NEDD4L: variants seen among roughly 807,000 people sequenced by gnomAD.
NEDD4L encodes NEDD4 like E3 ubiquitin protein ligase, also known as E3 ubiquitin-protein ligase NEDD4-like.
In NEDD4L, 54 loss-of-function variants were observed where a neutral mutation model predicts 148.9. The observed-to-expected ratio is 0.36, with a 90% CI of 0.29 to 0.45. NEDD4L has a LOEUF of 0.45. Among genes scored for constraint, NEDD4L ranks in the 20% least tolerant of loss-of-function variants. NEDD4L has a pLI of 1.00. For synonymous variants in NEDD4L, 433 were observed against 440.7 expected (o/e 0.98, Z 0.22); for missense variants, 856 against 1,233.8 (o/e 0.69, Z 4.59).
intron 1 of NEDD4L, among the ~76,000 whole-genome samples, chr18:58,140,093 G>C (rs567334933): frequency 6.6e-6 from 1 of 152,254 alleles, no homozygotes; most frequent in South Asian, 2.1e-4. Context: ...TTGTGGCCTG[G>C]ACTAGATTTG....
intron 1 of NEDD4L, among the ~76,000 whole-genome samples, chr18:58,058,914 A>G (rs1055224345): frequency 6.6e-6 from 1 of 152,190 alleles, no homozygotes; most frequent in African/African-American, 2.4e-5. Context: ...CCACATCCCA[A>G]TGATTTATCT....
At chr18:58,198,449 T>C (rs951947972) in intron 2 of NEDD4L, among the ~76,000 whole-genome samples, 8 of 152,098 alleles carry the variant, frequency 5.3e-5, no homozygotes, top group Non-Finnish European at 8.8e-5. Flanking sequence ...CTGGCCCGAA[T>C]TTTGTTTTAG....
At chr18:58,145,577 G>A (rs2034012169) in intron 1 of NEDD4L, among the ~76,000 whole-genome samples, 1 of 151,878 alleles carries the variant, frequency 6.6e-6, no homozygotes, top group African/African-American at 2.4e-5. Flanking sequence ...GATAATAAGG[G>A]TAATTACTAC....
At chr18:58,203,468 T>TG (rs918624328) in intron 2 of NEDD4L, among the ~76,000 whole-genome samples, 4 of 151,924 alleles carry the variant, frequency 2.6e-5, no homozygotes, top group African/African-American at 9.6e-5. Context: ...TTTTGGGAAG[T>TG]GGTGGTAATA....
chr18:58,389,278 T>G, intron 28 of NEDD4L, 86 bp downstream of exon 28: 1 of 941,550 alleles, frequency 1.1e-6, no homozygotes, highest in South Asian at 1.6e-5. Flanking sequence ...TGGTCTGACT[T>G]CAGGACTGAT....
At chr18:58,249,241 G>A (rs1168835966) in intron 4 of NEDD4L, among the ~76,000 whole-genome samples, 1 of 152,142 alleles carries the variant, frequency 6.6e-6, no homozygotes, top group Non-Finnish European at 1.5e-5. Flanking sequence ...TATGAGAATG[G>A]TTTAATTCTA....
At chr18:58,228,087 C>G (rs1466881128) in intron 2 of NEDD4L, among the ~76,000 whole-genome samples, 1 of 152,150 alleles carries the variant, frequency 6.6e-6, no homozygotes, top group East Asian at 1.9e-4. Context: ...AGCCATTACC[C>G]CCATGTCCCA....
intron 1 of NEDD4L, among the ~76,000 whole-genome samples, chr18:58,106,223 T>G (rs1248670140): frequency 6.6e-6 from 1 of 152,248 alleles, no homozygotes; most frequent in Non-Finnish European, 1.5e-5. Context: ...TGGGAGCCTG[T>G]GTCCAGAACT....
At position 58,188,889 on chromosome 18, in the gene NEDD4L, A is replaced by G. The variant is rs539860613; in HGVS notation, c.122+23028A>G. Reference sequence around the variant, plus strand: ...TTCCAGTTAGTCTGTGTGGCAAGGTAGAAGCCAGGAGTGGATTCTTAGCTC... The same window carrying G: ...TTCCAGTTAGTCTGTGTGGCAAGGTGGAAGCCAGGAGTGGATTCTTAGCTC... On this transcript the variant is annotated intron_variant, in intron 2 of 30. Coordinates refer to ENST00000400345, the MANE Select transcript of NEDD4L (RefSeq NM_001144967.3). Among the ~76,000 whole-genome samples the G allele has an allele frequency of 2.9e-4, 44 of 152,314 alleles. No individual in the cohort carries two copies. In the East Asian group the frequency reaches 5.2e-3, roughly 18 times the overall value.
intron 2 of NEDD4L, among the ~76,000 whole-genome samples, chr18:58,212,206 A>G (rs139864275): frequency 4.9e-4 from 74 of 152,252 alleles, no homozygotes; most frequent in Admixed American, 1.8e-3. Context: ...GGCTCACTGC[A>G]GCCTTGACCT....
chr18:58,210,779 G>A (rs2147708172), intron 2 of NEDD4L, among the ~76,000 whole-genome samples: 1 of 151,982 alleles, frequency 6.6e-6, no homozygotes, highest in Admixed American at 6.6e-5. Flanking sequence ...AAAATCTGAT[G>A]AATTAAAAAA....
At chr18:58,327,627 G>A (rs2059420973) in intron 9 of NEDD4L, among the ~76,000 whole-genome samples, 1 of 152,228 alleles carries the variant, frequency 6.6e-6, no homozygotes, top group Admixed American at 6.5e-5. Flanking sequence ...ACCTCTGCTA[G>A]CAGGCCCTTT....
chr18:58,096,515 T>C (rs1433292748), intron 1 of NEDD4L, among the ~76,000 whole-genome samples: 1 of 152,080 alleles, frequency 6.6e-6, no homozygotes, highest in African/African-American at 2.4e-5. Context: ...GCAATTCTCC[T>C]GCCTCAGCCT....
chr18:58,377,460 T>C (rs901940799), intron 24 of NEDD4L, among the ~76,000 whole-genome samples: 2 of 152,210 alleles, frequency 1.3e-5, no homozygotes, highest in Non-Finnish European at 2.9e-5. Context: ...CTTCATGTAA[T>C]GAAGCTGCAG....
intron 1 of NEDD4L, among the ~76,000 whole-genome samples, chr18:58,136,939 G>A (rs1040045454): frequency 6.6e-6 from 1 of 152,158 alleles, no homozygotes; most frequent in African/African-American, 2.4e-5. Context: ...GGAAAATCAA[G>A]GAATAGATAC....
chr18:58,336,115 A>G (rs2041719752), intron 13 of NEDD4L: 1 of 152,294 alleles, frequency 6.6e-6, no homozygotes, highest in African/African-American at 2.4e-5. Flanking sequence ...TAAGTGATCT[A>G]GAAAAATTTA....
Position 58,060,592 on chromosome 18 carries a change from A to G in NEDD4L, c.48+15884A>G, listed in dbSNP as rs142783737. On this transcript the variant is annotated intron_variant, in intron 1 of 30. Transcript: ENST00000400345. ...CATTGGATTTGGTCACTGATTGATT[A>G]GGTACAAAAAAAGGGAGGTGTCTAG... is the stretch of plus-strand genomic sequence containing the variant. Among the ~76,000 whole-genome samples the G allele has an allele frequency of 1.4e-3, 209 of 152,294 alleles. 1 individual carries two copies. Among genetic ancestry groups the G allele is most frequent in the African/African-American group, 4.9e-3 (203 of 41,560 alleles).
rs1455475297 is a variant in NEDD4L at position 58,044,645 on chromosome 18, G to A, written c.-16G>A. On this transcript the variant is annotated 5_prime_UTR_variant, in exon 1 of 31. Transcript: ENST00000400345. ...CCGCTGGGAGCGCCTCAGACCCCGCGCGGGGCGCCGGCTCCATGGCGACCG... is the reference window on the plus strand; with the variant it reads ...CCGCTGGGAGCGCCTCAGACCCCGCACGGGGCGCCGGCTCCATGGCGACCG... 2 of 1,596,146 alleles carry A rather than the reference G, an allele frequency of 1.3e-6. No individual in the cohort carries two copies. The highest frequency in any genetic ancestry group is 1.7e-6 in the Non-Finnish European group (2 of 1,171,872).
At chr18:58,114,861 T>C (rs760390973) in intron 1 of NEDD4L, among the ~76,000 whole-genome samples, 53 of 152,178 alleles carry the variant, frequency 3.5e-4, no homozygotes, top group Non-Finnish European at 6.6e-4. Flanking sequence ...CTGTGGCCAT[T>C]CCCACATGGT....
Sources: gnomAD v4.1 joint callset for allele counts (sites outside exome capture counted in the v4.1 genomes callset) on GRCh38, gnomAD v4.1.1 for gene constraint, MANE v1.5 for transcripts, NCBI Gene and HGNC (gene_info 2026-07-23, HGNC 2026-07-21) for gene names.